Variants in PCDHA13 observed in about 807,000 individuals in gnomAD.
The protein encoded by PCDHA13 is protocadherin alpha 13, also known as protocadherin alpha-13.
A neutral mutation model predicts 64.8 loss-of-function variants in PCDHA13; 54 were observed. The ratio of observed to expected loss-of-function variants is 0.83; its 90% CI spans 0.67 to 1.04. PCDHA13 has a LOEUF of 1.04. Ranked by LOEUF, PCDHA13 falls within the 50% of genes least tolerant of loss-of-function variation. The probability of loss-of-function intolerance (pLI) is 0.00; values close to 1 mark genes in which losing one functional copy is unlikely to be tolerated. For synonymous variants in PCDHA13, 587 were observed against 564.4 expected, an observed-to-expected ratio of 1.04 and a Z score of -0.57; for missense variants, 1,248 against 1,254.3, an observed-to-expected ratio of 0.99 and a Z score of 0.08.
chr5:141,005,701 C>CAAAAAAA (rs59860837), intron 3 of PCDHA13, among the ~76,000 whole-genome samples: 5 of 7,784 alleles, frequency 6.4e-4, no homozygotes, highest in African/African-American at 9.3e-4. Context: ...AACTCCGTCT[C>CAAAAAAA]AAAAAAAAAA....
intron 1 of PCDHA13, among the ~76,000 whole-genome samples, chr5:140,954,160 A>G (rs1231258623): frequency 6.6e-6 from 1 of 152,188 alleles, no homozygotes; most frequent in Non-Finnish European, 1.5e-5. Flanking sequence ...TATATGTACC[A>G]CATTTTCTTT....
At chr5:140,966,937 C>A in intron 1 of PCDHA13, 1 of 1,604,032 alleles carries the variant, frequency 6.2e-7, no homozygotes. Context: ...CCGGCGCGCT[C>A]GTGGGCAACG....
chr5:140,965,999 A>T (rs1300275113), intron 1 of PCDHA13, among the ~76,000 whole-genome samples: 1 of 152,140 alleles, frequency 6.6e-6, no homozygotes, highest in Non-Finnish European at 1.5e-5. Context: ...AGTACTTAAG[A>T]GTGTCCAGGG....
intron 1 of PCDHA13, among the ~76,000 whole-genome samples, chr5:140,947,554 G>T (rs977454594): frequency 1.3e-5 from 2 of 151,358 alleles, no homozygotes; most frequent in Non-Finnish European, 3.0e-5. Flanking sequence ...AATTCCGCTG[G>T]GATTTATATT....
chr5:140,958,079 T>C (rs182718226), intron 1 of PCDHA13, among the ~76,000 whole-genome samples: 1 of 152,202 alleles, frequency 6.6e-6, no homozygotes, highest in East Asian at 1.9e-4. Context: ...AAGCAAAAAG[T>C]AAAGTTGTAC....
intron 1 of PCDHA13, among the ~76,000 whole-genome samples, chr5:140,947,165 T>C (rs1034105702): frequency 6.6e-6 from 1 of 151,228 alleles, no homozygotes. Context: ...GGGTAGAAAA[T>C]GTGGTATATA....
chr5:140,927,290 T>A (rs1563090312), intron 1 of PCDHA13: 2 of 1,614,054 alleles, frequency 1.2e-6, no homozygotes, highest in Admixed American at 1.7e-5. Context: ...CAGCTGCACA[T>A]CCCCGAGTTC....
Position 140,883,397 on chromosome 5 carries a change from C to T in PCDHA13, c.1129C>T (p.Arg377Cys). The T allele has an allele frequency of 1.2e-6, 2 of 1,614,170 alleles. No homozygotes were observed. Among genetic ancestry groups the T allele is most frequent in the Non-Finnish European group, 1.7e-6 (2 of 1,180,036 alleles). The change falls in exon 1 of 4, where the codon CGT becomes TGT. Residue 377 changes from arginine (R) to cysteine (C), a missense_variant. Coordinates refer to ENST00000289272, the MANE Select transcript of PCDHA13 (RefSeq NM_018904.3). ...AIIALISVSDRDSGSNGQVTC... is the reference protein window; with the variant it reads ...AIIALISVSDCDSGSNGQVTC... ...TATTGCCCTAATCAGTGTGTCCGAT[C>T]GTGACTCTGGCTCAAATGGACAGGT...
intron 1 of PCDHA13, chr5:140,927,619 C>G: frequency 6.2e-7 from 1 of 1,614,170 alleles, no homozygotes; most frequent in Non-Finnish European, 8.5e-7. Flanking sequence ...CACCAAGGTT[C>G]CAGAGACTGC....
Position 140,883,616 on chromosome 5 carries a change from G to C in PCDHA13, c.1348G>C (p.Asp450His). 6.2e-7 allele frequency: 1 copy of C among 1,614,014 alleles called. No individual in the cohort carries two copies. The highest frequency in any genetic ancestry group is 8.5e-7 in the Non-Finnish European group (1 of 1,179,914). Residue 450 changes from aspartate (D) to histidine (H), a missense_variant, in exon 1 of 4, where the codon GAC (aspartate) becomes CAC (histidine). Asp to His is a moderately conservative substitution (Grantham distance 81). Transcript: ENST00000289272. ...SVSVGVADVN[D>H]NAPAFAQPEY... is the part of the protein sequence containing the mutation. ...GTCGGTGGGGGTGGCCGACGTGAAC[G>C]ACAACGCGCCGGCGTTCGCGCAGCC...
intron 3 of PCDHA13, among the ~76,000 whole-genome samples, chr5:140,991,495 A>C (rs1331520722): frequency 6.6e-6 from 1 of 152,220 alleles, no homozygotes; most frequent in Non-Finnish European, 1.5e-5. Flanking sequence ...GTCCACAGTG[A>C]GTTTCACTGG....
At chr5:140,967,456 G>C in intron 1 of PCDHA13, 1 of 1,613,598 alleles carries the variant, frequency 6.2e-7, no homozygotes, top group Non-Finnish European at 8.5e-7. Context: ...TCACAGCCGT[G>C]GATGGGGGCA....
At position 141,011,465 on chromosome 5, in the gene PCDHA13, G is replaced by A. The variant is rs2098420693; in HGVS notation, c.*1528G>A. ...TGAACTTTAAGCTTTATTGTTGAAT[G>A]TAATTCCATTATATTTCCTTTTGTA... On this transcript the variant is annotated 3_prime_UTR_variant, in exon 4 of 4. Transcript: ENST00000289272. The A allele has an allele frequency of 6.5e-6, 1 of 153,770 alleles. No individual in the cohort carries two copies. The highest frequency in any genetic ancestry group is 2.4e-5 in the African/African-American group (1 of 41,452). The allele number at this position is 153,770 out of a possible 1,614,324, so 9.5% of individuals were successfully genotyped here.
intron 1 of PCDHA13, among the ~76,000 whole-genome samples, chr5:140,977,142 T>C (rs781987643): frequency 6.6e-6 from 1 of 152,236 alleles, no homozygotes; most frequent in Non-Finnish European, 1.5e-5. Context: ...TCAGTCCTGC[T>C]GGAACTGTGC....
intron 1 of PCDHA13, chr5:140,927,599 C>T (rs1250728851): frequency 6.2e-7 from 1 of 1,614,070 alleles, no homozygotes; most frequent in African/African-American, 1.3e-5. Context: ...TTTGAGCGCT[C>T]CGTATACCGC....
chr5:140,901,712 GAT>G lies in PCDHA13; in HGVS notation c.2394+17051_2394+17052del, dbSNP rs1187367855. Among the ~76,000 whole-genome samples, 6 of 152,218 alleles carry G rather than the reference GAT, an allele frequency of 3.9e-5. No homozygotes were observed. In the East Asian group the frequency reaches 9.6e-4, roughly 24 times the overall value. ...TTTTGTAGTTCTATATACATTTTCA[GAT>G]TGTCTTTTCTATTTCTGTGAAGAAT... On this transcript the variant is annotated intron_variant, in intron 1 of 3. Coordinates refer to ENST00000289272, the MANE Select transcript of PCDHA13 (RefSeq NM_018904.3).
In PCDHA13 at chr5:140,882,891, A is replaced by T. The variant is rs782750187; in HGVS notation, c.623A>T (p.His208Leu). 1 of 1,614,230 alleles carries T rather than the reference A, an allele frequency of 6.2e-7. No individual in the cohort carries two copies. The highest frequency in any genetic ancestry group is 8.5e-7 in the Non-Finnish European group (1 of 1,180,042). The change falls in exon 1 of 4, where the codon CAT becomes CTT. Residue 208 changes from histidine (H) to leucine (L), a missense_variant. Physicochemically the swap from His to Leu is moderately conservative, Grantham distance 99. Transcript: ENST00000289272. ...KTLDREEIQE[H>L]SLLLTASDGG... ...CTGGACAGAGAGGAAATTCAGGAAC[A>T]TAGTTTATTACTGACAGCCAGTGAT...
chr5:140,934,235 A>G (rs1202721010), intron 1 of PCDHA13, among the ~76,000 whole-genome samples: 1 of 152,048 alleles, frequency 6.6e-6, no homozygotes, highest in Non-Finnish European at 1.5e-5. Flanking sequence ...TTTGTACTTA[A>G]TTGTGGAGAT....
At chr5:140,970,567 T>G (rs558796957) in intron 1 of PCDHA13, among the ~76,000 whole-genome samples, 7 of 152,284 alleles carry the variant, frequency 4.6e-5, no homozygotes, top group African/African-American at 1.7e-4. Context: ...TCCATATGTA[T>G]GCTTGAAATA....
Sources: gnomAD v4.1 joint callset for allele counts (sites outside exome capture counted in the v4.1 genomes callset) on GRCh38, gnomAD v4.1.1 for gene constraint, MANE v1.5 for transcripts, NCBI Gene and HGNC (gene_info 2026-07-23, HGNC 2026-07-21) for gene names.